The following CMIP variants were observed in gnomAD, a reference collection of about 807,000 sequenced individuals.
The protein encoded by CMIP is c-Maf inducing protein.
CMIP carries 13 observed loss-of-function variants against 97.3 expected under a neutral mutation model. That is an observed-to-expected ratio of 0.13 (90% CI 0.09 to 0.21). The LOEUF (loss-of-function observed/expected upper bound fraction) is 0.21, where lower values mean the gene tolerates loss of function less well. Ranked by LOEUF, CMIP falls within the 10% of genes least tolerant of loss-of-function variation. CMIP has a pLI of 1.00. For synonymous variants in CMIP, 538 were observed against 436.3 expected, an observed-to-expected ratio of 1.23 and a Z score of -2.91; for missense variants, 847 against 1,024.9, an observed-to-expected ratio of 0.83 and a Z score of 2.37.
At chr16:81,682,168 C>T (rs1328055222) in intron 10 of CMIP, among the ~76,000 whole-genome samples, 1 of 152,018 alleles carries the variant, frequency 6.6e-6, no homozygotes, top group Admixed American at 6.6e-5. Flanking sequence ...TGCACTGCTG[C>T]ACTCCAAGCT....
intron 1 of CMIP, among the ~76,000 whole-genome samples, chr16:81,594,504 G>A (rs941635032): frequency 6.6e-6 from 1 of 152,046 alleles, no homozygotes; most frequent in Non-Finnish European, 1.5e-5. Flanking sequence ...CCTTTCCCAT[G>A]GGGGATATGT....
At chr16:81,492,725 G>A (rs936860632) in intron 1 of CMIP, among the ~76,000 whole-genome samples, 3 of 152,152 alleles carry the variant, frequency 2.0e-5, no homozygotes, top group African/African-American at 7.2e-5. Context: ...ACAAAGGCTG[G>A]CAAAAATAGA....
intron 1 of CMIP, among the ~76,000 whole-genome samples, chr16:81,500,833 C>T (rs2150778078): frequency 6.6e-6 from 1 of 152,204 alleles, no homozygotes; most frequent in Non-Finnish European, 1.5e-5. Flanking sequence ...TTCCCTTCCT[C>T]CCTCCCTTCC....
Position 81,661,302 on chromosome 16 carries a change from G to C in CMIP, c.744+356G>C, listed in dbSNP as rs368883829. Among the ~76,000 whole-genome samples the C allele has an allele frequency of 2.1e-4, 32 of 152,362 alleles. No individual in the cohort carries two copies. The East Asian group carries it at 5.8e-3, about 28-fold the overall frequency. The stretch of plus-strand genomic sequence containing the variant: ...GGCTGGCCCACGGTGGGGTGCGGCT[G>C]TGGGGCTTTCCCTGAACACGGGAGG... On this transcript the variant is annotated intron_variant, in intron 6 of 20. Transcript: ENST00000537098.
intron 1 of CMIP, among the ~76,000 whole-genome samples, chr16:81,544,642 C>CTG (rs373053831): frequency 2.5e-4 from 36 of 145,554 alleles, no homozygotes; most frequent in Admixed American, 8.1e-4. Context: ...GTGTGTGTGC[C>CTG]TGTGTGTGTG....
chr16:81,522,287 G>A (rs60880568), intron 1 of CMIP, among the ~76,000 whole-genome samples: 11,550 of 152,186 alleles, frequency 0.076, 1,460 homozygotes, highest in African/African-American at 0.27. Context: ...AAGCCAGGTG[G>A]CCACACCTGG....
At chr16:81,535,630 A>AATT (rs1243530146) in intron 1 of CMIP, among the ~76,000 whole-genome samples, 14 of 152,210 alleles carry the variant, frequency 9.2e-5, no homozygotes, top group Non-Finnish European at 1.5e-5. Context: ...GTAATAATAC[A>AATT]ATTATTATTA....
chr16:81,494,511 G>T (rs935411283), intron 1 of CMIP, among the ~76,000 whole-genome samples: 1 of 152,182 alleles, frequency 6.6e-6, no homozygotes, highest in East Asian at 1.9e-4. Flanking sequence ...TCCACCTTGG[G>T]GTGTAAGCGG....
intron 6 of CMIP, 90 bp from the exon 7 acceptor site, chr16:81,664,179 G>C: frequency 7.9e-7 from 1 of 1,270,252 alleles, no homozygotes; most frequent in Non-Finnish European, 1.1e-6. Context: ...ACCCACAGCT[G>C]GGCTGACTGT....
chr16:81,603,294 G>A (rs550888588), intron 1 of CMIP: 6 of 427,868 alleles, frequency 1.4e-5, no homozygotes, highest in African/African-American at 1.0e-4. Context: ...TGTTAGCCAG[G>A]ATGGTCTCGA....
intron 1 of CMIP, among the ~76,000 whole-genome samples, chr16:81,568,049 T>G (rs1487709324): frequency 1.3e-5 from 2 of 149,696 alleles, no homozygotes; most frequent in African/African-American, 4.9e-5. Context: ...GTTTTTTTTT[T>G]TTTTTTTTTT....
intron 1 of CMIP, among the ~76,000 whole-genome samples, chr16:81,459,406 C>T (rs1211302671): frequency 2.0e-5 from 3 of 152,254 alleles, no homozygotes; most frequent in South Asian, 2.1e-4. Context: ...GACCTCGCTC[C>T]GTGACCTCAG....
At chr16:81,691,538 C>T (rs1014190055) in intron 10 of CMIP, 8 of 578,498 alleles carry the variant, frequency 1.4e-5, no homozygotes, top group Admixed American at 6.0e-5. Context: ...GGGGAATAGA[C>T]AGCTCACCCC....
intron 1 of CMIP, among the ~76,000 whole-genome samples, chr16:81,601,280 G>A (rs567232370): frequency 6.6e-5 from 10 of 152,162 alleles, no homozygotes; most frequent in South Asian, 2.1e-4. Flanking sequence ...GTCATGATTC[G>A]TATTCACTTT....
intron 1 of CMIP, among the ~76,000 whole-genome samples, chr16:81,578,144 T>C (rs1372730580): frequency 6.6e-6 from 1 of 150,638 alleles, no homozygotes; most frequent in African/African-American, 2.4e-5. Flanking sequence ...ATCATCACCA[T>C]CACCACCATC....
At chr16:81,694,870 G>GA (rs1331811647) in intron 13 of CMIP, among the ~76,000 whole-genome samples, 1 of 152,208 alleles carries the variant, frequency 6.6e-6, no homozygotes, top group Admixed American at 6.5e-5. Context: ...GGCATGGAGG[G>GA]AAAAAGGAGA....
At position 81,710,545 on chromosome 16, in the gene CMIP, A is replaced by C. The variant is rs1908651423; in HGVS notation, c.*746A>C. On this transcript the variant is annotated 3_prime_UTR_variant, in exon 21 of 21. Transcript: ENST00000537098. ...AAACAGACAACAAAAAGAAGAAAAA[A>C]AAAAAGAACCTCCTTGGAAAAATTA... The C allele has an allele frequency of 6.6e-6, 1 of 152,354 alleles. No individual in the cohort carries two copies. 9.4% of individuals were successfully genotyped at this position (152,354 alleles called of 1,614,324 possible). A position where few individuals can be genotyped will look rare whatever the true frequency, so the allele number is the denominator to read the frequency against.
chr16:81,552,239 C>G (rs537182191), intron 1 of CMIP, among the ~76,000 whole-genome samples: 2 of 152,272 alleles, frequency 1.3e-5, no homozygotes, highest in Non-Finnish European at 2.9e-5. Context: ...CTGCCTGTCT[C>G]TGACGTCGGC....
intron 1 of CMIP, chr16:81,603,343 A>C (rs2091689246): frequency 2.2e-6 from 1 of 453,162 alleles, no homozygotes; most frequent in Non-Finnish European, 4.4e-6. Flanking sequence ...TGGCCTCCCA[A>C]AGTGCTGGGA....
Sources: allele counts gnomAD v4.1 joint callset (sites outside exome capture counted in the v4.1 genomes callset), GRCh38; gene constraint gnomAD v4.1.1; transcripts MANE v1.5; gene names NCBI Gene and HGNC (gene_info 2026-07-23, HGNC 2026-07-21).